The following SLC4A4 variants were observed in gnomAD, a reference collection of about 807,000 sequenced individuals.
SLC4A4 encodes the protein electrogenic sodium bicarbonate cotransporter 1.
A neutral mutation model predicts 111.5 loss-of-function variants in SLC4A4; 27 were observed. That is an observed-to-expected ratio of 0.24 (90% CI 0.18 to 0.33). The LOEUF (loss-of-function observed/expected upper bound fraction) is 0.33, where lower values mean the gene tolerates loss of function less well. Ranked by LOEUF, SLC4A4 falls within the 10% of genes least tolerant of loss-of-function variation. The pLI is 1.00. For missense variants in SLC4A4, 909 were observed against 1,315.5 expected (o/e 0.69, Z 4.78); for synonymous variants, 443 against 463.4 (o/e 0.96, Z 0.57).
At chr4:71,167,760 A>G (rs1240724263) in intron 2 of SLC4A4, among the ~76,000 whole-genome samples, 2 of 152,176 alleles carry the variant, frequency 1.3e-5, no homozygotes, top group Non-Finnish European at 2.9e-5. Flanking sequence ...AAGTTTCTCC[A>G]TCTTAGAAAA....
At chr4:71,195,247 T>G (rs1438284299) in intron 1 of SLC4A4, among the ~76,000 whole-genome samples, 2 of 149,956 alleles carry the variant, frequency 1.3e-5, no homozygotes, top group Admixed American at 6.6e-5. Flanking sequence ...TTTTTTTTTT[T>G]TTTTTTTTAA....
At chr4:71,562,270 G>A (rs1737053953) in intron 23 of SLC4A4, among the ~76,000 whole-genome samples, 1 of 151,672 alleles carries the variant, frequency 6.6e-6, no homozygotes, top group Non-Finnish European at 1.5e-5. Flanking sequence ...AATCCAGCTA[G>A]GCAATTTAGA....
chr4:71,288,336 G>A (rs1376975819), intron 3 of SLC4A4, among the ~76,000 whole-genome samples: 5 of 152,098 alleles, frequency 3.3e-5, no homozygotes, highest in Non-Finnish European at 5.9e-5. Flanking sequence ...CTTTTTGATA[G>A]AGACAGTCTA....
intron 6 of SLC4A4, among the ~76,000 whole-genome samples, chr4:71,382,490 C>T (rs1208591963): frequency 6.6e-6 from 1 of 152,180 alleles, no homozygotes; most frequent in Non-Finnish European, 1.5e-5. Flanking sequence ...CTTGGGTTGG[C>T]ACTCTGAACA....
chr4:71,189,132 T>C lies in SLC4A4; in HGVS notation c.-2+1731T>C, dbSNP rs1258765004. Among the ~76,000 whole-genome samples the C allele has an allele frequency of 3.3e-5, 5 of 152,120 alleles. No homozygotes were observed. The East Asian group carries it at 5.8e-4, about 18-fold the overall frequency. On this transcript the variant is annotated intron_variant, in intron 1 of 25. Coordinates refer to ENST00000264485, the MANE Select transcript of SLC4A4 (RefSeq NM_001098484.3). ...AGGACAAGATGGGATATTTTGATAGTCCCAGCCATGTTAAAAAAACTGAAA... is the reference window on the plus strand; with the variant it reads ...AGGACAAGATGGGATATTTTGATAGCCCCAGCCATGTTAAAAAAACTGAAA...
At chr4:71,301,563 G>T (rs894709333) in intron 3 of SLC4A4, among the ~76,000 whole-genome samples, 3 of 152,252 alleles carry the variant, frequency 2.0e-5, no homozygotes, top group African/African-American at 7.2e-5. Flanking sequence ...GTCTCTACCT[G>T]CAGGCCCCAG....
chr4:71,320,002 C>T (rs550043665), intron 3 of SLC4A4, among the ~76,000 whole-genome samples: 2 of 151,918 alleles, frequency 1.3e-5, no homozygotes, highest in Admixed American at 6.6e-5. Context: ...ATGAATGTGA[C>T]GAAGATCCAT....
In SLC4A4 at chr4:71,279,788, A is replaced by AT. The variant is rs1370341175; in HGVS notation, c.253+24398dup. ...CTCCACATCCTTGCCAGTGCTTGTT[A>AT]TTTTTTTTTATTTATTTATTTTTTT... On this transcript the variant is annotated intron_variant, in intron 3 of 25. Coordinates refer to ENST00000264485, the MANE Select transcript of SLC4A4 (RefSeq NM_001098484.3). Among the ~76,000 whole-genome samples the AT allele has an allele frequency of 1.3e-4, 19 of 151,000 alleles. No homozygotes were observed. The East Asian group carries it at 1.8e-3, about 14-fold the overall frequency.
rs545415885 is a variant in SLC4A4 at position 71,259,326 on chromosome 4, T to C, written c.253+3927T>C. Among the ~76,000 whole-genome samples, 3 of 152,198 alleles carry C rather than the reference T, an allele frequency of 2.0e-5. No individual in the cohort carries two copies. In the South Asian group the frequency reaches 6.2e-4, roughly 32 times the overall value. On this transcript the variant is annotated intron_variant, in intron 3 of 25. Transcript: ENST00000264485. The stretch of plus-strand genomic sequence containing the variant: ...AATGAGTGTTTGATTTTTACACATT[T>C]GGAGCTCTGAGGAGGAAGCGAGCTA...
Position 71,569,684 on chromosome 4 carries a change from T to A in SLC4A4, c.*1933T>A, listed in dbSNP as rs1737785817. Reference sequence around the variant, plus strand: ...CTAGAAGCAGAATGAAACCACATTTTTTGGTTTGATAATATGCACTTATTG... The same window carrying A: ...CTAGAAGCAGAATGAAACCACATTTATTGGTTTGATAATATGCACTTATTG... On this transcript the variant is annotated 3_prime_UTR_variant, in exon 26 of 26. Coordinates refer to ENST00000264485, the MANE Select transcript of SLC4A4 (RefSeq NM_001098484.3). 1.3e-5 allele frequency: 2 copies of A among 151,682 alleles called. No homozygotes were observed. Among genetic ancestry groups the A allele is most frequent in the South Asian group, 4.1e-4 (2 of 4,824 alleles). 9.4% of individuals were successfully genotyped at this position (151,682 alleles called of 1,614,324 possible).
intron 2 of SLC4A4, among the ~76,000 whole-genome samples, chr4:71,159,807 A>G (rs1744571930): frequency 6.6e-6 from 1 of 152,230 alleles, no homozygotes; most frequent in South Asian, 2.1e-4. Flanking sequence ...ATGATCAACT[A>G]GCCTATATAA....
At chr4:71,227,737 A>G (rs894113447) in intron 1 of SLC4A4, among the ~76,000 whole-genome samples, 5 of 152,146 alleles carry the variant, frequency 3.3e-5, no homozygotes, top group African/African-American at 1.2e-4. Context: ...GGTGTGTCAT[A>G]TGGAGGAGCC....
At chr4:71,525,109 C>T (rs1179553816) in intron 16 of SLC4A4, among the ~76,000 whole-genome samples, 3 of 152,118 alleles carry the variant, frequency 2.0e-5, no homozygotes, top group Non-Finnish European at 4.4e-5. Flanking sequence ...ATAATTAATA[C>T]AGTATCATCT....
At chr4:71,235,040 G>C (rs2579316) in intron 1 of SLC4A4, among the ~76,000 whole-genome samples, 135,677 of 152,162 alleles carry the variant, frequency 0.89, 61,859 homozygotes, top group East Asian at 0.99. Flanking sequence ...TGTGCTTTTA[G>C]GTATGTTACC....
chr4:71,285,419 G>C (rs1167931175), intron 3 of SLC4A4, among the ~76,000 whole-genome samples: 1 of 152,106 alleles, frequency 6.6e-6, no homozygotes, highest in Non-Finnish European at 1.5e-5. Context: ...AGGGCAAATT[G>C]CCTGTATTGA....
At position 71,305,048 on chromosome 4, in the gene SLC4A4, CCTA is replaced by C. The variant is rs1725574891; in HGVS notation, c.254-34318_254-34316del. Among the ~76,000 whole-genome samples, 5 of 152,252 alleles carry C rather than the reference CCTA, an allele frequency of 3.3e-5. No individual in the cohort carries two copies. The South Asian group carries it at 1.0e-3, about 32-fold the overall frequency. On this transcript the variant is annotated intron_variant, in intron 3 of 25. Transcript: ENST00000264485. ...AATATCAATACATATTTGTTGAATA[CCTA>C]CTATGTGACTGACACCTTACATTCA...
At chr4:71,065,520 T>C (rs529624223) in intron 1 of SLC4A4, among the ~76,000 whole-genome samples, 1 of 152,290 alleles carries the variant, frequency 6.6e-6, no homozygotes, top group Non-Finnish European at 1.5e-5. Flanking sequence ...TATTTGTCGA[T>C]GAAAGGCTGA....
At chr4:71,178,330 G>A (rs548130658) in intron 2 of SLC4A4, among the ~76,000 whole-genome samples, 1 of 151,892 alleles carries the variant, frequency 6.6e-6, no homozygotes, top group South Asian at 2.1e-4. Flanking sequence ...TCCAAAGCTA[G>A]CAAAAGGCAA....
chr4:71,529,313 G>A lies in SLC4A4; in HGVS notation c.2167-2749G>A, dbSNP rs565491279. On this transcript the variant is annotated intron_variant, in intron 16 of 25. Transcript: ENST00000264485. The stretch of plus-strand genomic sequence containing the variant: ...CAACATCCAAATTAAAATACAGCTG[G>A]TATATTTGTCTGAAAAAAAATCATT... Among the ~76,000 whole-genome samples, 7 of 152,070 alleles carry A rather than the reference G, an allele frequency of 4.6e-5. No individual in the cohort carries two copies. The South Asian group carries it at 1.5e-3, about 32-fold the overall frequency.
Sources: gnomAD v4.1 joint callset for allele counts (sites outside exome capture counted in the v4.1 genomes callset) on GRCh38, gnomAD v4.1.1 for gene constraint, MANE v1.5 for transcripts, NCBI Gene and HGNC (gene_info 2026-07-23, HGNC 2026-07-21) for gene names.